The following NEK11 variants were observed in gnomAD, a reference collection of about 807,000 sequenced individuals.
NEK11 encodes the protein serine/threonine-protein kinase Nek11.
A neutral mutation model predicts 80.7 loss-of-function variants in NEK11; 72 were observed. The ratio of observed to expected loss-of-function variants is 0.89; its 90% CI spans 0.74 to 1.08. The LOEUF (loss-of-function observed/expected upper bound fraction) is 1.08, where lower values mean the gene tolerates loss of function less well. Among genes scored for constraint, NEK11 ranks in the 50% least tolerant of loss-of-function variants. NEK11 has a pLI of 0.00. For synonymous variants in NEK11, 251 were observed against 260.7 expected (o/e 0.96, Z 0.36); for missense variants, 764 against 763.6 (o/e 1.00, Z -0.01).
intron 3 of NEK11, among the ~76,000 whole-genome samples, chr3:131,066,164 G>T (rs958011367): frequency 3.3e-5 from 5 of 152,180 alleles, no homozygotes; most frequent in African/African-American, 1.2e-4. Context: ...TCCACAGAAA[G>T]AAATTAGGTT....
At chr3:131,204,716 C>G (rs1215840895) in intron 14 of NEK11, among the ~76,000 whole-genome samples, 2 of 151,774 alleles carry the variant, frequency 1.3e-5, no homozygotes, top group Non-Finnish European at 2.9e-5. Flanking sequence ...TACAACACAT[C>G]TATTTCTCCC....
chr3:131,278,557 TG>T lies in NEK11; in HGVS notation c.1718+4984del, dbSNP rs1171209673. Among the ~76,000 whole-genome samples the T allele has an allele frequency of 5.8e-5, 8 of 138,794 alleles. 1 individual carries two copies. The highest frequency in any genetic ancestry group is 4.3e-4 in the South Asian group (2 of 4,688). 91.1% of individuals were successfully genotyped at this position (138,794 alleles called of 152,430 possible). ...TTCAAAAAAGTTTTTTGTTTTGTTTTGTTTTTTTTTGTTTTTTTACACCTCA... is the reference window on the plus strand; with the variant it reads ...TTCAAAAAAGTTTTTTGTTTTGTTTTTTTTTTTTTGTTTTTTTACACCTCA... On this transcript the variant is annotated intron_variant, in intron 17 of 17. Coordinates refer to ENST00000383366, the MANE Select transcript of NEK11 (RefSeq NM_024800.5).
At chr3:131,330,082 G>C (rs1329985172) in intron 17 of NEK11, 1 of 152,162 alleles carries the variant, frequency 6.6e-6, no homozygotes, top group Admixed American at 6.5e-5. Context: ...ATGGTGAGAA[G>C]TGTTGGGATC....
chr3:131,110,600 C>T (rs779326414), intron 5 of NEK11, among the ~76,000 whole-genome samples: 7 of 151,748 alleles, frequency 4.6e-5, no homozygotes, highest in African/African-American at 9.7e-5. Context: ...GATATGAACA[C>T]GTTTGAAAAG....
intron 17 of NEK11, among the ~76,000 whole-genome samples, chr3:131,315,578 G>C (rs1414379910): frequency 1.3e-5 from 2 of 150,990 alleles, no homozygotes; most frequent in Non-Finnish European, 2.9e-5. Context: ...AAGTTCCGGG[G>C]TACATGTGCA....
rs3050805 is a variant in NEK11, at chr3:131,213,191, C to CCACA, written c.1400-15316_1400-15313dup. Among the ~76,000 whole-genome samples, 723 of 149,090 alleles carry CCACA rather than the reference C, an allele frequency of 4.8e-3. 3 individuals carry two copies. Among genetic ancestry groups the CCACA allele is most frequent in the African/African-American group, 7.5e-3 (307 of 40,724 alleles). On this transcript the variant is annotated intron_variant, in intron 14 of 17. Transcript: ENST00000383366. ...CTTAAACCCCCCATGCCACCCATCTCCACACACACACACACACACACACAT... is the reference window on the plus strand; with the variant it reads ...CTTAAACCCCCCATGCCACCCATCTCCACACACACACACACACACACACACACAT...
At chr3:131,145,568 A>G (rs995985129) in intron 7 of NEK11, among the ~76,000 whole-genome samples, 6 of 152,152 alleles carry the variant, frequency 3.9e-5, no homozygotes, top group African/African-American at 1.4e-4. Flanking sequence ...TTAAGGTTCT[A>G]TATAGAACCT....
chr3:131,180,093 T>C, intron 14 of NEK11, among the ~76,000 whole-genome samples: 1 of 152,174 alleles, frequency 6.6e-6, no homozygotes, highest in Non-Finnish European at 1.5e-5. Context: ...AGCATTTGGC[T>C]TTCAATGTTC....
intron 3 of NEK11, among the ~76,000 whole-genome samples, chr3:131,055,758 A>G (rs1350905530): frequency 6.6e-6 from 1 of 152,212 alleles, no homozygotes; most frequent in African/African-American, 2.4e-5. Flanking sequence ...TGAAATAAAA[A>G]TAAGGAAAGA....
chr3:131,313,356 C>A (rs977858398), intron 17 of NEK11, among the ~76,000 whole-genome samples: 1 of 152,064 alleles, frequency 6.6e-6, no homozygotes, highest in African/African-American at 2.4e-5. Context: ...ATCACTGGGT[C>A]GAATGGTAGT....
chr3:131,314,137 G>GTT (rs1369943606), intron 17 of NEK11, among the ~76,000 whole-genome samples: 1 of 147,402 alleles, frequency 6.8e-6, no homozygotes, highest in African/African-American at 2.7e-5. Flanking sequence ...AAGAGTGTGT[G>GTT]TGTGTGTGTG....
rs565835275 is a variant in NEK11 at position 131,173,482 on chromosome 3, A to G, written c.1399+2595A>G. ...CTGGTTTCAAATAGGAAAAGTACTT[A>G]ATACTGCATTTCATAGATGAGAAGC... On this transcript the variant is annotated intron_variant, in intron 14 of 17. Transcript: ENST00000383366. 2.0e-5 allele frequency among the ~76,000 whole-genome samples: 3 copies of G among 151,814 alleles called. No individual in the cohort carries two copies. In the East Asian group the frequency reaches 5.8e-4, roughly 29 times the overall value.
At chr3:131,218,579 A>C (rs143437665) in intron 14 of NEK11, among the ~76,000 whole-genome samples, 1 of 152,158 alleles carries the variant, frequency 6.6e-6, no homozygotes, top group Admixed American at 6.6e-5. Context: ...GCTAAAAGCC[A>C]TATGTTGGAG....
chr3:131,154,417 A>G (rs1284503930), intron 9 of NEK11, among the ~76,000 whole-genome samples: 1 of 152,156 alleles, frequency 6.6e-6, no homozygotes, highest in African/African-American at 2.4e-5. Context: ...AAAAATCCAG[A>G]TTAATGCTTA....
At chr3:131,279,943 C>T (rs1307527591) in intron 17 of NEK11, among the ~76,000 whole-genome samples, 3 of 152,220 alleles carry the variant, frequency 2.0e-5, no homozygotes, top group Non-Finnish European at 2.9e-5. Context: ...TGAGGCTGAA[C>T]TGCTGGTTTC....
rs1349929112 is a variant in NEK11, at chr3:131,148,772, C to G, written c.648-3616C>G. On this transcript the variant is annotated intron_variant, in intron 7 of 17. Transcript: ENST00000383366. ...ATATATATATATATATAATATGTCACAAGGGCTTGGTGTACAGATTATGTC... is the reference window on the plus strand; with the variant it reads ...ATATATATATATATATAATATGTCAGAAGGGCTTGGTGTACAGATTATGTC... Among the ~76,000 whole-genome samples the G allele has an allele frequency of 5.9e-5, 9 of 151,286 alleles. No individual in the cohort carries two copies. The East Asian group carries it at 1.7e-3, about 29-fold the overall frequency.
intron 17 of NEK11, among the ~76,000 whole-genome samples, chr3:131,327,986 T>C (rs2097000565): frequency 1.3e-5 from 2 of 151,570 alleles, no homozygotes; most frequent in African/African-American, 4.8e-5. Context: ...TAAGTGCTCA[T>C]TAAAAATGTG....
chr3:131,166,707 G>T (rs1293142626), intron 12 of NEK11, among the ~76,000 whole-genome samples: 2 of 152,280 alleles, frequency 1.3e-5, no homozygotes, highest in Non-Finnish European at 1.5e-5. Flanking sequence ...CAGAGAATTG[G>T]GAGATGGGTT....
At chr3:131,219,166 G>A (rs2094937138) in intron 14 of NEK11, among the ~76,000 whole-genome samples, 1 of 152,104 alleles carries the variant, frequency 6.6e-6, no homozygotes, top group South Asian at 2.1e-4. Flanking sequence ...ATGATAGACT[G>A]GATAAAGAAA....
Sources: gnomAD v4.1 joint callset for allele counts (sites outside exome capture counted in the v4.1 genomes callset) on GRCh38, gnomAD v4.1.1 for gene constraint, MANE v1.5 for transcripts, NCBI Gene and HGNC (gene_info 2026-07-23, HGNC 2026-07-21) for gene names.